The following DOCK1 variants were observed in gnomAD, a reference collection of about 807,000 sequenced individuals.
The protein encoded by DOCK1 is dedicator of cytokinesis 1.
A neutral mutation model predicts 262.7 loss-of-function variants in DOCK1; 138 were observed. The observed-to-expected ratio is 0.53, with a 90% CI of 0.46 to 0.61. The LOEUF (loss-of-function observed/expected upper bound fraction) is 0.61, where lower values mean the gene tolerates loss of function less well. Ranked by LOEUF, DOCK1 falls within the 20% of genes least tolerant of loss-of-function variation. The pLI is 0.00. For missense variants in DOCK1, 1,908 were observed against 2,370.7 expected, an observed-to-expected ratio of 0.80 and a Z score of 4.05; for synonymous variants, 866 against 867.4, an observed-to-expected ratio of 1.00 and a Z score of 0.03.
At chr10:127,048,863 G>A (rs527812527) in intron 21 of DOCK1, among the ~76,000 whole-genome samples, 39 of 152,272 alleles carry the variant, frequency 2.6e-4, no homozygotes, top group African/African-American at 8.7e-4. Context: ...GAAGTTCCTT[G>A]ATCTGATAAA....
chr10:127,301,180 C>T (rs1465929444), intron 29 of DOCK1, among the ~76,000 whole-genome samples: 2 of 152,184 alleles, frequency 1.3e-5, no homozygotes, highest in African/African-American at 4.8e-5. Context: ...CATCGAGTCT[C>T]AGTTTCAGTG....
chr10:127,324,559 C>T (rs1319760967), intron 29 of DOCK1, among the ~76,000 whole-genome samples: 6 of 152,158 alleles, frequency 3.9e-5, no homozygotes, highest in Admixed American at 1.3e-4. Flanking sequence ...CACCCAGTCA[C>T]GCCTCTCTTG....
At chr10:127,195,971 A>AG (rs1202578778) in intron 27 of DOCK1, 1 of 151,894 alleles carries the variant, frequency 6.6e-6, no homozygotes, top group South Asian at 2.1e-4. Context: ...GGGGCGCGGG[A>AG]GGAGGGCACG....
At position 127,305,838 on chromosome 10, in the gene DOCK1, C is replaced by T. The variant is rs79282825; in HGVS notation, c.3045-33168C>T. Among the ~76,000 whole-genome samples the T allele has an allele frequency of 7.8e-3, 1,187 of 152,194 alleles. 31 individuals are homozygous for T. In the East Asian group the frequency reaches 0.11, roughly 14 times the overall value. ...GAAGTAGTTTTTCGTTTTGTTTTTTCAGTTTCTGTTCATGTCATAGACCAG... is the reference window on the plus strand; with the variant it reads ...GAAGTAGTTTTTCGTTTTGTTTTTTTAGTTTCTGTTCATGTCATAGACCAG... On this transcript the variant is annotated intron_variant, in intron 29 of 51. Transcript: ENST00000623213.
intron 27 of DOCK1, among the ~76,000 whole-genome samples, chr10:127,149,483 C>T (rs778723851): frequency 2.0e-5 from 3 of 152,160 alleles, no homozygotes. Context: ...GGCAAAGGTA[C>T]CCATTTATTA....
intron 1 of DOCK1, among the ~76,000 whole-genome samples, chr10:126,951,434 TTGTTGGTAG>T (rs1227470487): frequency 6.6e-6 from 1 of 151,518 alleles, no homozygotes; most frequent in Non-Finnish European, 1.5e-5. Context: ...GGTGGTAGTA[TTGTTGGTAG>T]TGTTGGTAGT....
At chr10:127,016,786 G>A (rs1003707483) in intron 12 of DOCK1, among the ~76,000 whole-genome samples, 18 of 62,322 alleles carry the variant, frequency 2.9e-4, no homozygotes, top group African/African-American at 1.0e-3. Context: ...AGACACACGC[G>A]CACACACACA....
At chr10:127,451,165 A>G (rs1382121115) in intron 51 of DOCK1, among the ~76,000 whole-genome samples, 167 bp from the exon 52 acceptor site, 1 of 152,074 alleles carries the variant, frequency 6.6e-6, no homozygotes, top group Admixed American at 6.5e-5. Flanking sequence ...CCCAGTCTTG[A>G]GCCTAGTAGA....
chr10:126,975,046 C>T (rs1389299347), intron 2 of DOCK1, among the ~76,000 whole-genome samples: 1 of 151,934 alleles, frequency 6.6e-6, no homozygotes, highest in Non-Finnish European at 1.5e-5. Flanking sequence ...GTGAAGTGGC[C>T]TCTCGTTTGC....
chr10:127,198,501 C>T (rs2057314693), intron 27 of DOCK1, among the ~76,000 whole-genome samples: 1 of 152,218 alleles, frequency 6.6e-6, no homozygotes, highest in Non-Finnish European at 1.5e-5. Context: ...CAGTGCTCAG[C>T]CACAGGTGGC....
At chr10:127,075,058 A>G (rs1293152895) in intron 23 of DOCK1, among the ~76,000 whole-genome samples, 1 of 151,282 alleles carries the variant, frequency 6.6e-6, no homozygotes, top group Non-Finnish European at 1.5e-5. Context: ...AGTCCCAGCT[A>G]CTTGGGAGGC....
chr10:127,099,569 C>A (rs530600007), intron 23 of DOCK1, among the ~76,000 whole-genome samples: 1 of 152,068 alleles, frequency 6.6e-6, no homozygotes, highest in African/African-American at 2.4e-5. Flanking sequence ...GGGGAGCAGG[C>A]GTGTCACATG....
intron 47 of DOCK1, 120 bp from the exon 48 acceptor site, chr10:127,433,163 C>A: frequency 7.3e-7 from 1 of 1,378,292 alleles, no homozygotes; most frequent in Non-Finnish European, 1.0e-6. Context: ...GTACTGTTTA[C>A]AGAAGTCTGA....
intron 27 of DOCK1, among the ~76,000 whole-genome samples, chr10:127,226,306 A>C (rs966697779): frequency 1.1e-4 from 17 of 152,124 alleles, no homozygotes; most frequent in Admixed American, 9.8e-4. Context: ...ATCTACAGGT[A>C]TTTCTTGGCG....
intron 31 of DOCK1, among the ~76,000 whole-genome samples, chr10:127,345,821 C>T (rs1288889219): frequency 3.3e-5 from 5 of 152,148 alleles, no homozygotes; most frequent in East Asian, 1.9e-4. Context: ...GTGGAATGCA[C>T]GCTCCCTCAG....
intron 23 of DOCK1, among the ~76,000 whole-genome samples, chr10:127,086,146 C>T (rs549098876): frequency 3.3e-5 from 5 of 149,434 alleles, no homozygotes; most frequent in East Asian, 3.9e-4. Flanking sequence ...ACACACCCCC[C>T]GCCCCTTACA....
intron 15 of DOCK1, 154 bp downstream of exon 15, chr10:127,024,937 A>G: frequency 1.7e-6 from 1 of 590,622 alleles, no homozygotes; most frequent in Non-Finnish European, 2.9e-6. Context: ...CTAAGGAACC[A>G]CACTGGTGTT....
intron 27 of DOCK1, among the ~76,000 whole-genome samples, chr10:127,217,471 C>T (rs954533789): frequency 6.6e-6 from 1 of 152,184 alleles, no homozygotes; most frequent in African/African-American, 2.4e-5. Context: ...AGACCTTGAG[C>T]TCCTAAGATT....
intron 16 of DOCK1, among the ~76,000 whole-genome samples, chr10:127,028,851 G>A (rs2043052681): frequency 6.6e-6 from 1 of 152,188 alleles, no homozygotes; most frequent in African/African-American, 2.4e-5. Flanking sequence ...TGGAGGGCAT[G>A]GTGGGGGCCA....
Sources: allele counts gnomAD v4.1 joint callset (sites outside exome capture counted in the v4.1 genomes callset), GRCh38; gene constraint gnomAD v4.1.1; transcripts MANE v1.5; gene names NCBI Gene and HGNC (gene_info 2026-07-23, HGNC 2026-07-21).